Variants in UGDH observed in about 807,000 individuals in gnomAD.
UGDH encodes the protein UDP-glucose 6-dehydrogenase.
Under a neutral mutation model 50.6 loss-of-function variants are expected in UGDH, and 38 were observed. The ratio of observed to expected loss-of-function variants is 0.75; its 90% CI spans 0.58 to 0.98. The LOEUF (loss-of-function observed/expected upper bound fraction) is 0.98, where lower values mean the gene tolerates loss of function less well. Among genes scored for constraint, UGDH ranks in the 50% least tolerant of loss-of-function variants. UGDH has a pLI of 0.00. For synonymous variants in UGDH, 168 were observed against 199.9 expected (o/e 0.84, Z 1.35); for missense variants, 465 against 606.2 (o/e 0.77, Z 2.45).
rs1426384770 is a variant in UGDH, at chr4:39,522,173, A to G, written c.-7-654T>C. 3.9e-5 allele frequency among the ~76,000 whole-genome samples: 6 copies of G among 152,316 alleles called. No individual in the cohort carries two copies. The East Asian group carries it at 1.2e-3, about 29-fold the overall frequency. Reference sequence around the variant, plus strand: ...GTTACACAGATTTTTTTCCTTCCCAATGCCAGCAGAAAAGTGGGTTACACA... The same window carrying G: ...GTTACACAGATTTTTTTCCTTCCCAGTGCCAGCAGAAAAGTGGGTTACACA... On this transcript the variant is annotated intron_variant, in intron 1 of 11. Coordinates refer to ENST00000316423, the MANE Select transcript of UGDH (RefSeq NM_003359.4).
At chr4:39,506,475 A>G (rs1400836909) in intron 7 of UGDH, among the ~76,000 whole-genome samples, 1 of 152,206 alleles carries the variant, frequency 6.6e-6, no homozygotes, top group Non-Finnish European at 1.5e-5. Context: ...GTATTCCTTC[A>G]TTTGCTTGTG....
intron 1 of UGDH, chr4:39,526,361 A>G (rs886123955): frequency 7.9e-5 from 12 of 152,250 alleles, no homozygotes; most frequent in Admixed American, 5.9e-4. Flanking sequence ...AGATCTTTTC[A>G]ATCAGGGTTG....
chr4:39,527,008 AG>A (rs1365639295), intron 1 of UGDH: 28 of 1,289,300 alleles, frequency 2.2e-5, no homozygotes, highest in Non-Finnish European at 2.8e-5. Flanking sequence ...CATCCAAGTC[AG>A]GAAAGTGGGT....
At chr4:39,505,043 T>G (rs1021991758) in intron 9 of UGDH, among the ~76,000 whole-genome samples, 194 bp downstream of exon 9, 2 of 152,162 alleles carry the variant, frequency 1.3e-5, no homozygotes, top group African/African-American at 4.8e-5. Flanking sequence ...GAAAAATCAA[T>G]GGACCAATCC....
intron 2 of UGDH, among the ~76,000 whole-genome samples, chr4:39,516,578 T>C (rs992877057): frequency 6.6e-6 from 1 of 152,188 alleles, no homozygotes; most frequent in Non-Finnish European, 1.5e-5. Context: ...ACTATGTCTA[T>C]AGCAAAGTGA....
At chr4:39,516,940 T>C (rs745907034) in intron 2 of UGDH, among the ~76,000 whole-genome samples, 3 of 152,194 alleles carry the variant, frequency 2.0e-5, no homozygotes, top group Admixed American at 2.0e-4. Flanking sequence ...AGAATTCATA[T>C]ACATATAATA....
At chr4:39,503,315 C>T (rs1318476804) in intron 11 of UGDH, among the ~76,000 whole-genome samples, 1 of 152,186 alleles carries the variant, frequency 6.6e-6, no homozygotes, top group African/African-American at 2.4e-5. Context: ...TCCCAAAGTG[C>T]TGGGATTACA....
chr4:39,520,652 TA>T (rs1196620364), intron 2 of UGDH, among the ~76,000 whole-genome samples: 1 of 151,846 alleles, frequency 6.6e-6, no homozygotes, highest in Non-Finnish European at 1.5e-5. Context: ...GTGATGTTAG[TA>T]AAATAATCCA....
chr4:39,501,276 A>ATT (rs71192870), intron 11 of UGDH, among the ~76,000 whole-genome samples: 5 of 132,264 alleles, frequency 3.8e-5, no homozygotes, highest in African/African-American at 1.1e-4. Flanking sequence ...AACAGCATAA[A>ATT]TTTTTTTTTT....
At chr4:39,520,086 C>T (rs1746587682) in intron 2 of UGDH, among the ~76,000 whole-genome samples, 1 of 152,222 alleles carries the variant, frequency 6.6e-6, no homozygotes, top group Admixed American at 6.5e-5. Flanking sequence ...CACCTGTAAT[C>T]CCAGCACTTT....
rs755597306 is a variant in UGDH at position 39,521,402 on chromosome 4, G to A, written c.111C>T (p.Val37=). 1 of 1,613,100 alleles carries A rather than the reference G, an allele frequency of 6.2e-7. No individual in the cohort carries two copies. The highest frequency in any genetic ancestry group is 1.1e-5 in the South Asian group (1 of 90,852). ...CPEIRVTVVD[V]NESRINAWNS... ...TCCACGCATTGATTCTTGATTCATT[G>A]ACATCAACAACCGTTACCCTGATTT... Residue 37 remains valine, a synonymous_variant, in exon 2 of 12, where the codon GTC becomes GTT. Coordinates refer to ENST00000316423, the MANE Select transcript of UGDH (RefSeq NM_003359.4).
rs1746217866 is a variant in UGDH, at chr4:39,510,817, TG to T, written c.308del (p.Ala103GlufsTer4). ...TKTYGMGKGRAADLKYIEACA... is the reference protein window; with the variant it reads ...TKTYGMGKGRXADLKYIEACA... ...AAGCTTCAATATACTTCAGATCTGCTGCCCGGCCTTTCCCCATTCCATAGGT... is the reference window on the plus strand; with the variant it reads ...AAGCTTCAATATACTTCAGATCTGCTCCCGGCCTTTCCCCATTCCATAGGT... On this transcript the variant is annotated frameshift_variant, in exon 4 of 12. Coordinates refer to ENST00000316423, the MANE Select transcript of UGDH (RefSeq NM_003359.4). LOFTEE classifies it high-confidence loss of function. 1.9e-6 allele frequency: 3 copies of T among 1,614,194 alleles called. No individual in the cohort carries two copies. Among genetic ancestry groups the T allele is most frequent in the Non-Finnish European group, 2.5e-6 (3 of 1,180,022 alleles).
Position 39,521,485 on chromosome 4 carries a change from T to C in UGDH, c.28A>G (p.Ile10Val), listed in dbSNP as rs1049953736. 3 of 1,605,138 alleles carry C rather than the reference T, an allele frequency of 1.9e-6. No individual in the cohort carries two copies. The highest frequency in any genetic ancestry group is 2.6e-6 in the Non-Finnish European group (3 of 1,176,150). The stretch of plus-strand genomic sequence containing the variant: ...GGTCCTCCAACATAGCCTGCACCGA[T>C]GCAACAGATCTTCTTAATTTCAAAC... MFEIKKICC[I>V]GAGYVGGPTC... is the part of the protein sequence containing the mutation. Residue 10 changes from isoleucine to valine, a missense_variant, in exon 2 of 12, where the codon ATC (isoleucine) becomes GTC (valine). Physicochemically the swap from Ile to Val is conservative, Grantham distance 29. Coordinates refer to ENST00000316423, the MANE Select transcript of UGDH (RefSeq NM_003359.4).
At chr4:39,505,857 C>T (rs1325260578) in intron 7 of UGDH, 109 bp from the exon 8 acceptor site, 1 of 1,100,908 alleles carries the variant, frequency 9.1e-7, no homozygotes, top group Non-Finnish European at 1.2e-6. Context: ...ACAATGCTTA[C>T]ATATTAACAA....
chr4:39,517,784 G>A (rs765050081), intron 2 of UGDH, among the ~76,000 whole-genome samples: 2 of 152,024 alleles, frequency 1.3e-5, no homozygotes, highest in African/African-American at 2.4e-5. Flanking sequence ...GGAATTATAC[G>A]GTATGTACTC....
At chr4:39,523,345 C>CCAG (rs1478315047) in intron 1 of UGDH, among the ~76,000 whole-genome samples, 3 of 151,906 alleles carry the variant, frequency 2.0e-5, no homozygotes, top group African/African-American at 7.3e-5. Flanking sequence ...AGCCACTGTG[C>CCAG]CAGGCCCCTC....
At chr4:39,514,672 A>ATTTAT (rs1009548681) in intron 2 of UGDH, among the ~76,000 whole-genome samples, 2 of 147,818 alleles carry the variant, frequency 1.4e-5, no homozygotes, top group Non-Finnish European at 3.0e-5. Flanking sequence ...TGCCCAGCCC[A>ATTTAT]TTTATTTTAT....
rs775162839 is a variant in UGDH at position 39,505,705 on chromosome 4, C to T, written c.950G>A (p.Arg317Gln). The change falls in exon 8 of 12, where the codon CGG (arginine) becomes CAG (glutamine). Residue 317 changes from arginine to glutamine, a missense_variant. By Grantham distance (43) the Arg-to-Gln change is conservative. Transcript: ENST00000316423. ...NDYQRRRFASRIIDSLFNTVT... is the reference protein window; with the variant it reads ...NDYQRRRFASQIIDSLFNTVT... ...TGTATTAAACAGACTATCTATGATC[C>T]GGGAAGCAAACCTCCTCCTCTGGTA... 39 of 1,609,660 alleles carry T rather than the reference C, an allele frequency of 2.4e-5. No individual in the cohort carries two copies. Among genetic ancestry groups the T allele is most frequent in the East Asian group, 2.2e-5 (1 of 44,792 alleles).
intron 2 of UGDH, among the ~76,000 whole-genome samples, chr4:39,521,069 C>CAAAAAAAA (rs1179305904): frequency 5.0e-5 from 4 of 79,948 alleles, no homozygotes; most frequent in African/African-American, 1.2e-4. Context: ...GACTCCGTCT[C>CAAAAAAAA]AAAAAAAAAA....
Sources: gnomAD v4.1 joint callset for allele counts (sites outside exome capture counted in the v4.1 genomes callset) on GRCh38, gnomAD v4.1.1 for gene constraint, MANE v1.5 for transcripts, NCBI Gene and HGNC (gene_info 2026-07-23, HGNC 2026-07-21) for gene names.